Variants in LPCAT2 observed in about 807,000 individuals in gnomAD.
The protein encoded by LPCAT2 is lysophosphatidylcholine acyltransferase 2, also known as 1-AGP acyltransferase 11.
A neutral mutation model predicts 64.7 loss-of-function variants in LPCAT2; 58 were observed. The ratio of observed to expected loss-of-function variants is 0.90; its 90% CI spans 0.73 to 1.12. The LOEUF (loss-of-function observed/expected upper bound fraction) is 1.12. LPCAT2 is among the 50% of genes most tolerant of loss of function. The probability of loss-of-function intolerance (pLI) is 0.00; values close to 1 mark genes in which losing one functional copy is unlikely to be tolerated. For synonymous variants in LPCAT2, 252 were observed against 245.3 expected (o/e 1.03, Z -0.26); for missense variants, 579 against 669.8 (o/e 0.86, Z 1.50).
intron 11 of LPCAT2, among the ~76,000 whole-genome samples, chr16:55,570,589 C>T (rs1332235750): frequency 1.3e-5 from 2 of 151,928 alleles, no homozygotes; most frequent in African/African-American, 2.4e-5. Flanking sequence ...CATAGGGAGA[C>T]CCTGTCTTGA....
chr16:55,583,109 T>C lies in LPCAT2; in HGVS notation c.*11T>C. 1 of 1,605,968 alleles carries C rather than the reference T, an allele frequency of 6.2e-7. No homozygotes were observed. The highest frequency in any genetic ancestry group is 1.1e-5 in the South Asian group (1 of 90,038). ...AAAAAAGATGACTGAAAGCAGTATT[T>C]CCAATAAGGAAAACACAGTAGCTTT... On this transcript the variant is annotated 3_prime_UTR_variant, in exon 14 of 14. Coordinates refer to ENST00000262134, the MANE Select transcript of LPCAT2 (RefSeq NM_017839.5).
intron 1 of LPCAT2, among the ~76,000 whole-genome samples, chr16:55,520,047 A>G (rs115126143): frequency 6.6e-6 from 1 of 152,208 alleles, no homozygotes; most frequent in Non-Finnish European, 1.5e-5. Context: ...TTATACCCAA[A>G]TACATCAATA....
chr16:55,573,032 A>G (rs1462024519), intron 11 of LPCAT2, among the ~76,000 whole-genome samples: 1 of 152,226 alleles, frequency 6.6e-6, no homozygotes, highest in African/African-American at 2.4e-5. Flanking sequence ...TGTTTCAGGA[A>G]TAAACCTTGT....
chr16:55,517,643 T>C (rs925784891), intron 1 of LPCAT2, among the ~76,000 whole-genome samples: 1 of 152,260 alleles, frequency 6.6e-6, no homozygotes, highest in Admixed American at 6.5e-5. Context: ...AATTATACCA[T>C]GGCAAAGTCA....
chr16:55,572,950 A>G (rs1262817971), intron 11 of LPCAT2, among the ~76,000 whole-genome samples: 1 of 152,194 alleles, frequency 6.6e-6, no homozygotes, highest in Non-Finnish European at 1.5e-5. Context: ...AAAACAAAAA[A>G]CAAAACAAAA....
chr16:55,566,852 A>G (rs1235510320), intron 11 of LPCAT2: 1 of 1,613,878 alleles, frequency 6.2e-7, no homozygotes, highest in Non-Finnish European at 8.5e-7. Context: ...GAAGAGAAGG[A>G]GGAGGAAGAA....
At chr16:55,550,369 CT>C (rs1331887387) in intron 10 of LPCAT2, among the ~76,000 whole-genome samples, 11 of 152,174 alleles carry the variant, frequency 7.2e-5, no homozygotes, top group African/African-American at 2.4e-4. Context: ...ATGAATCCCC[CT>C]ATCATAACAT....
intron 8 of LPCAT2, chr16:55,538,870 T>C (rs934744538): frequency 6.6e-6 from 1 of 151,986 alleles, no homozygotes; most frequent in African/African-American, 2.4e-5. Flanking sequence ...TCTAGATATC[T>C]CCCGGAACCA....
intron 11 of LPCAT2, chr16:55,566,639 CA>C: frequency 1.9e-6 from 2 of 1,029,872 alleles, no homozygotes; most frequent in South Asian, 3.4e-5. Flanking sequence ...GGGCGTGGTG[CA>C]GTGTAAGCAG....
At chr16:55,576,452 T>C (rs531905739) in intron 12 of LPCAT2, among the ~76,000 whole-genome samples, 1 of 151,754 alleles carries the variant, frequency 6.6e-6, no homozygotes, top group African/African-American at 2.4e-5. Flanking sequence ...TAAGATAGAC[T>C]GACTGACTGA....
At chr16:55,541,846 G>C in intron 8 of LPCAT2, 1 of 1,286,804 alleles carries the variant, frequency 7.8e-7, no homozygotes, top group Non-Finnish European at 1.0e-6. Context: ...AGATGTTTCT[G>C]TTCTTTTGGG....
At chr16:55,514,190 A>G (rs893263532) in intron 1 of LPCAT2, among the ~76,000 whole-genome samples, 10 of 152,196 alleles carry the variant, frequency 6.6e-5, no homozygotes, top group African/African-American at 9.6e-5. Flanking sequence ...AAGCTTTGAC[A>G]TATTCCTAGG....
At chr16:55,550,501 T>C (rs1447562824) in intron 10 of LPCAT2, among the ~76,000 whole-genome samples, 1 of 152,246 alleles carries the variant, frequency 6.6e-6, no homozygotes, top group African/African-American at 2.4e-5. Flanking sequence ...TTTAAAATAT[T>C]TGCTTTCTTA....
At position 55,583,267 on chromosome 16, in the gene LPCAT2, TGGAAAAA is replaced by T; in HGVS notation, c.*170_*176del. On this transcript the variant is annotated 3_prime_UTR_variant, in exon 14 of 14. Transcript: ENST00000262134. ...ATGTTTTTATTAACCTTGCTTTTATTGGAAAAAATCAAGCAATATTTCGTTTTCTTTT... is the reference window on the plus strand; with the variant it reads ...ATGTTTTTATTAACCTTGCTTTTATTATCAAGCAATATTTCGTTTTCTTTT... 1 of 584,622 alleles carries T rather than the reference TGGAAAAA, an allele frequency of 1.7e-6. No homozygotes were observed. Among genetic ancestry groups the T allele is most frequent in the South Asian group, 2.9e-5 (1 of 34,026 alleles). 36.2% of individuals were successfully genotyped at this position (584,622 alleles called of 1,614,324 possible). A position where few individuals can be genotyped will look rare whatever the true frequency, so the allele number is the denominator to read the frequency against.
At chr16:55,574,508 C>T in intron 11 of LPCAT2, 123 bp from the exon 12 acceptor site, 2 of 694,424 alleles carry the variant, frequency 2.9e-6, no homozygotes, top group South Asian at 3.4e-5. Context: ...CTTAGTGAGA[C>T]TTTTCTCCAA....
intron 7 of LPCAT2, among the ~76,000 whole-genome samples, 187 bp from the exon 8 acceptor site, chr16:55,537,391 C>CA (rs527990765): frequency 2.1e-5 from 3 of 144,092 alleles, no homozygotes; most frequent in African/African-American, 8.2e-5. Flanking sequence ...ACCCTGTCCC[C>CA]AAAAAAAAAA....
chr16:55,572,766 C>T (rs1367468481), intron 11 of LPCAT2, among the ~76,000 whole-genome samples: 4 of 152,054 alleles, frequency 2.6e-5, no homozygotes, highest in Admixed American at 6.5e-5. Context: ...GCCTGTAGTG[C>T]GCTTATGGTC....
intron 11 of LPCAT2, among the ~76,000 whole-genome samples, chr16:55,561,122 G>A (rs772779679): frequency 2.6e-5 from 4 of 151,730 alleles, no homozygotes; most frequent in Non-Finnish European, 2.9e-5. Context: ...ATGTTTTAAG[G>A]TTTATCTATC....
In LPCAT2 at chr16:55,557,291, TTCTC is replaced by T. The variant is rs368376341; in HGVS notation, c.1215+6201_1215+6204del. On this transcript the variant is annotated intron_variant, in intron 11 of 13. Coordinates refer to ENST00000262134, the MANE Select transcript of LPCAT2 (RefSeq NM_017839.5). Reference sequence around the variant, plus strand: ...TCTCTGTCTCTCTCTCTCTGTCTTCTTCTCTCTCTCTCTCTTTCTGTTCTGAACA... The same window carrying T: ...TCTCTGTCTCTCTCTCTCTGTCTTCTTCTCTCTCTCTTTCTGTTCTGAACA... Among the ~76,000 whole-genome samples the T allele has an allele frequency of 4.6e-3, 697 of 150,294 alleles. 4 individuals carry two copies. The highest frequency in any genetic ancestry group is 0.015 in the African/African-American group (603 of 41,038).
Sources: allele counts gnomAD v4.1 joint callset (sites outside exome capture counted in the v4.1 genomes callset), GRCh38; gene constraint gnomAD v4.1.1; transcripts MANE v1.5; gene names NCBI Gene and HGNC (gene_info 2026-07-23, HGNC 2026-07-21).